Variants in ZNF385D observed in about 807,000 individuals in gnomAD.
The protein encoded by ZNF385D is zinc finger protein 385D.
ZNF385D carries 15 observed loss-of-function variants against 35.8 expected under a neutral mutation model. That is an observed-to-expected ratio of 0.42 (90% CI 0.28 to 0.64). The LOEUF is 0.64. Ranked by LOEUF, ZNF385D falls within the 30% of genes least tolerant of loss-of-function variation. The pLI is 0.23. For missense variants in ZNF385D, 474 were observed against 494.6 expected (o/e 0.96, Z 0.39); for synonymous variants, 212 against 186.8 (o/e 1.13, Z -1.10).
At chr3:21,973,578 A>G (rs12485720) in intron 3 of ZNF385D, among the ~76,000 whole-genome samples, 37,796 of 151,862 alleles carry the variant, frequency 0.25, 5,152 homozygotes, top group East Asian at 0.32. Context: ...GACCAATAGG[A>G]GAAGAGAAAG....
chr3:21,465,818 TAGTC>T lies in ZNF385D; in HGVS notation c.440-28619_440-28616del. ...GTGCTAGGTGTTAGGATTTGGCAAA[TAGTC>T]AGATGCCCTTCCTGCAGGCTGACCC... On this transcript the variant is annotated intron_variant, in intron 4 of 7. Coordinates refer to ENST00000281523, the MANE Select transcript of ZNF385D (RefSeq NM_024697.3). The surrounding 1 kb of genome is among the most constrained non-coding windows in gnomAD (Gnocchi z 4.2). 6.6e-6 allele frequency among the ~76,000 whole-genome samples: 1 copy of T among 152,292 alleles called. No homozygotes were observed. The highest frequency in any genetic ancestry group is 2.1e-4 in the South Asian group (1 of 4,830).
chr3:21,763,753 T>C (rs2070717147), intron 3 of ZNF385D, among the ~76,000 whole-genome samples: 1 of 149,146 alleles, frequency 6.7e-6, no homozygotes, highest in African/African-American at 2.4e-5. Context: ...GCATCTACCC[T>C]TCAGAAACTG....
chr3:22,098,053 G>A (rs1218671031), intron 3 of ZNF385D, among the ~76,000 whole-genome samples: 1 of 152,058 alleles, frequency 6.6e-6, no homozygotes, highest in Non-Finnish European at 1.5e-5. Context: ...AATACCTAGA[G>A]TGTGTTGGCA....
chr3:21,905,954 G>A (rs1479972), intron 3 of ZNF385D, among the ~76,000 whole-genome samples: 1 of 152,072 alleles, frequency 6.6e-6, no homozygotes. Flanking sequence ...GAATTTATAT[G>A]AATTATGGAT....
chr3:22,131,118 A>C (rs1703758154), intron 3 of ZNF385D, among the ~76,000 whole-genome samples: 1 of 152,202 alleles, frequency 6.6e-6, no homozygotes, highest in South Asian at 2.1e-4. Context: ...AAAATGTATA[A>C]GATAATGGAA....
intron 3 of ZNF385D, among the ~76,000 whole-genome samples, chr3:22,079,167 A>T (rs1464197579): frequency 6.6e-6 from 1 of 152,068 alleles, no homozygotes; most frequent in Non-Finnish European, 1.5e-5. Flanking sequence ...AGCCAATGCT[A>T]AACTTGAGTG....
At chr3:21,690,986 C>T (rs1013029726) in intron 1 of ZNF385D, among the ~76,000 whole-genome samples, 4 of 152,102 alleles carry the variant, frequency 2.6e-5, no homozygotes, top group African/African-American at 9.7e-5. Context: ...TGTTTACTAC[C>T]TTTTTCCCTC....
chr3:21,905,880 A>T (rs893502711), intron 3 of ZNF385D, among the ~76,000 whole-genome samples: 1 of 152,182 alleles, frequency 6.6e-6, no homozygotes, highest in Non-Finnish European at 1.5e-5. Flanking sequence ...CAAGATCAAA[A>T]CTACAAATGA....
intron 3 of ZNF385D, among the ~76,000 whole-genome samples, chr3:21,527,290 A>C (rs1466227377): frequency 6.6e-6 from 1 of 152,166 alleles, no homozygotes. Context: ...CATTTGACGA[A>C]GATTTCTTGG....
chr3:21,711,284 A>G (rs536357446), intron 1 of ZNF385D, among the ~76,000 whole-genome samples: 31 of 151,330 alleles, frequency 2.0e-4, no homozygotes, highest in African/African-American at 7.0e-4. Flanking sequence ...CTCGTGATCC[A>G]CCCGCCTCGG....
chr3:21,594,013 C>T (rs2064058387), intron 2 of ZNF385D, among the ~76,000 whole-genome samples: 1 of 152,116 alleles, frequency 6.6e-6, no homozygotes, highest in Non-Finnish European at 1.5e-5. Flanking sequence ...GGCAGTTTAA[C>T]TACCAGCAGA....
intron 3 of ZNF385D, among the ~76,000 whole-genome samples, chr3:21,875,781 G>T (rs1697932789): frequency 6.6e-6 from 1 of 151,910 alleles, no homozygotes; most frequent in Non-Finnish European, 1.5e-5. Flanking sequence ...TCTTCATTGT[G>T]ATCATCATCA....
intron 3 of ZNF385D, among the ~76,000 whole-genome samples, chr3:21,838,547 A>G (rs974647364): frequency 2.0e-5 from 3 of 152,102 alleles, no homozygotes; most frequent in Non-Finnish European, 4.4e-5. Flanking sequence ...AAAATTCCCA[A>G]CAGCCACTAA....
intron 3 of ZNF385D, among the ~76,000 whole-genome samples, chr3:22,116,922 T>C (rs980584290): frequency 6.6e-6 from 1 of 152,036 alleles, no homozygotes; most frequent in Non-Finnish European, 1.5e-5. Context: ...TTACTAAGTG[T>C]TTAGGTCATT....
At chr3:22,260,764 A>G (rs2125343461) in intron 2 of ZNF385D, among the ~76,000 whole-genome samples, 1 of 152,136 alleles carries the variant, frequency 6.6e-6, no homozygotes. Flanking sequence ...AGTTTTAGTT[A>G]TAGTCTTAAT....
intron 3 of ZNF385D, among the ~76,000 whole-genome samples, chr3:22,135,566 A>G (rs977351245): frequency 6.6e-6 from 1 of 152,212 alleles, no homozygotes; most frequent in Non-Finnish European, 1.5e-5. Context: ...AAATTGATCA[A>G]TGGGTTTAAT....
intron 3 of ZNF385D, among the ~76,000 whole-genome samples, chr3:21,832,095 ATT>A (rs1420480606): frequency 6.9e-6 from 1 of 145,776 alleles, no homozygotes; most frequent in African/African-American, 2.5e-5. Context: ...TTGTTCACGT[ATT>A]TCTCTCATCT....
intron 3 of ZNF385D, among the ~76,000 whole-genome samples, chr3:21,902,935 C>A (rs988948449): frequency 3.9e-5 from 6 of 152,096 alleles, no homozygotes; most frequent in Non-Finnish European, 8.8e-5. Context: ...TTTCAGTGGT[C>A]TTTGTTCTTT....
intron 3 of ZNF385D, among the ~76,000 whole-genome samples, chr3:21,822,421 G>A (rs187266236): frequency 6.6e-6 from 1 of 152,106 alleles, no homozygotes; most frequent in South Asian, 2.1e-4. Flanking sequence ...AAATTAAAAA[G>A]TTGGCTAAAC....
Sources: gnomAD v4.1 joint callset for allele counts (sites outside exome capture counted in the v4.1 genomes callset) on GRCh38, gnomAD v4.1.1 for gene constraint, Gnocchi (gnomAD v3.1) non-coding constraint, MANE v1.5 for transcripts, NCBI Gene and HGNC (gene_info 2026-07-23, HGNC 2026-07-21) for gene names.